PRUNE1: variants seen among roughly 807,000 people sequenced by gnomAD.
PRUNE1 encodes prune exopolyphosphatase 1.
PRUNE1 carries 25 observed loss-of-function variants against 42.5 expected under a neutral mutation model. That is an observed-to-expected ratio of 0.59 (90% CI 0.43 to 0.82). PRUNE1 has a LOEUF of 0.82. Among genes scored for constraint, PRUNE1 ranks in the 40% least tolerant of loss-of-function variants. The probability of loss-of-function intolerance (pLI) is 0.00; values close to 1 mark genes in which losing one functional copy is unlikely to be tolerated. For synonymous variants in PRUNE1, 203 were observed against 217.1 expected (o/e 0.93, Z 0.57); for missense variants, 443 against 539.3 (o/e 0.82, Z 1.77).
chr1:151,023,792 C>T (rs1674638659), intron 3 of PRUNE1, among the ~76,000 whole-genome samples: 1 of 151,354 alleles, frequency 6.6e-6, no homozygotes, highest in African/African-American at 2.4e-5. Flanking sequence ...GGAAAGGCAA[C>T]GCTAAAGGAC....
Position 151,024,676 on chromosome 1 carries a change from ACTGCCCTCC to A in PRUNE1, c.407_415del (p.Pro136_Cys138del). 1 of 1,613,970 alleles carries A rather than the reference ACTGCCCTCC, an allele frequency of 6.2e-7. No individual in the cohort carries two copies. Reference sequence around the variant, plus strand: ...GACCATCGACCCATCGAGCCGAAACACTGCCCTCCCTGCCATGTTTCAGTTGAGCTGGTG... The same window carrying A: ...GACCATCGACCCATCGAGCCGAAACACTGCCATGTTTCAGTTGAGCTGGTG... On this transcript the variant is annotated inframe_deletion, in exon 4 of 8. Coordinates refer to ENST00000271620, the MANE Select transcript of PRUNE1 (RefSeq NM_021222.3).
Position 151,024,745 on chromosome 1 carries a change from TG to T in PRUNE1, c.471del (p.Gln158ArgfsTer44). On this transcript the variant is annotated frameshift_variant, in exon 4 of 8. Transcript: ENST00000271620. LOFTEE classifies it high-confidence loss of function. ...GCTACCCTGGTGACCGAGAGAATCC[TG>T]CAGGGGGCACCAGAGATCTTGGACA... ...SCATLVTERILQGAPEILDRQ... is the reference protein window; with the variant it reads ...SCATLVTERIXQGAPEILDRQ... 1 of 1,614,128 alleles carries T rather than the reference TG, an allele frequency of 6.2e-7. No homozygotes were observed. Among genetic ancestry groups the T allele is most frequent in the South Asian group, 1.1e-5 (1 of 91,078 alleles).
At chr1:151,033,119 C>T (rs587668707) in intron 7 of PRUNE1, among the ~76,000 whole-genome samples, 63 of 130,886 alleles carry the variant, frequency 4.8e-4, no homozygotes, top group African/African-American at 1.8e-3. Flanking sequence ...GAGTTTCGCT[C>T]TTGTTGCCCA....
chr1:151,017,525 G>T (rs1230248014), intron 1 of PRUNE1, among the ~76,000 whole-genome samples: 1 of 152,030 alleles, frequency 6.6e-6, no homozygotes, highest in African/African-American at 2.4e-5. Context: ...CTCGAGCCCA[G>T]GAGTTTGAGA....
chr1:151,029,021 C>A, intron 7 of PRUNE1, 77 bp downstream of exon 7: 2 of 1,425,672 alleles, frequency 1.4e-6, no homozygotes, highest in African/African-American at 1.4e-5. Context: ...TACAGCTGTC[C>A]TATAAGGACC....
chr1:151,010,815 C>T (rs1016320077), intron 1 of PRUNE1, among the ~76,000 whole-genome samples: 3 of 152,020 alleles, frequency 2.0e-5, no homozygotes, highest in Non-Finnish European at 4.4e-5. Flanking sequence ...GCCACTATGC[C>T]TGGCTAAGTT....
chr1:151,028,703 G>A (rs1044037206), intron 6 of PRUNE1, 83 bp from the exon 7 acceptor site: 74 of 1,453,904 alleles, frequency 5.1e-5, no homozygotes, highest in Non-Finnish European at 6.0e-5. Flanking sequence ...GATTATAGGC[G>A]TAAGCGACCG....
At chr1:151,026,439 C>T (rs981799022) in intron 5 of PRUNE1, among the ~76,000 whole-genome samples, 2 of 151,536 alleles carry the variant, frequency 1.3e-5, no homozygotes, top group Non-Finnish European at 2.9e-5. Flanking sequence ...GCTTGGGCAA[C>T]GACAGCGAAA....
At chr1:151,033,485 G>A (rs1675371356) in intron 7 of PRUNE1, among the ~76,000 whole-genome samples, 1 of 150,640 alleles carries the variant, frequency 6.6e-6, no homozygotes, top group Non-Finnish European at 1.5e-5. Flanking sequence ...CCGCCTCCTG[G>A]GTTCACGCCA....
At chr1:151,014,987 T>C (rs1674009288) in intron 1 of PRUNE1, among the ~76,000 whole-genome samples, 1 of 150,876 alleles carries the variant, frequency 6.6e-6, no homozygotes, top group Non-Finnish European at 1.5e-5. Flanking sequence ...AGCCCAGGAG[T>C]TCGAGATCAG....
At chr1:151,027,416 C>T (rs1422519844) in intron 6 of PRUNE1, 89 bp downstream of exon 6, 8 of 887,378 alleles carry the variant, frequency 9.0e-6, no homozygotes, top group Non-Finnish European at 1.4e-5. Flanking sequence ...TCCTGGCTCA[C>T]CTCCAAAATG....
At chr1:151,030,440 A>G (rs1675172261) in intron 7 of PRUNE1, among the ~76,000 whole-genome samples, 1 of 151,850 alleles carries the variant, frequency 6.6e-6, no homozygotes, top group Non-Finnish European at 1.5e-5. Flanking sequence ...AGCAAATCTG[A>G]TTTCATTCAG....
At chr1:151,022,167 A>G (rs1314290994) in intron 3 of PRUNE1, among the ~76,000 whole-genome samples, 10 of 142,580 alleles carry the variant, frequency 7.0e-5, no homozygotes, top group South Asian at 2.2e-4. Context: ...CTGGAGTGCA[A>G]TGGCACCATC....
intron 3 of PRUNE1, among the ~76,000 whole-genome samples, chr1:151,024,356 A>G (rs1270743023): frequency 1.3e-5 from 2 of 151,592 alleles, no homozygotes; most frequent in Non-Finnish European, 2.9e-5. Flanking sequence ...TTAGCTGGGC[A>G]TGTTGGCAGG....
intron 7 of PRUNE1, among the ~76,000 whole-genome samples, chr1:151,029,950 T>C (rs1160474552): frequency 2.6e-5 from 4 of 151,978 alleles, no homozygotes; most frequent in Admixed American, 2.6e-4. Flanking sequence ...GGTTACTGAT[T>C]AGCCTAGGGA....
Position 151,025,532 on chromosome 1 carries a change from T to C in PRUNE1, c.538T>C (p.Cys180Arg). ...ALLHGTIILD[C>R]VNMDLKIGKA... ...CTCCACAGGAACCATCATCCTGGAC[T>C]GTGTCAACATGGACCTTAAAATTGG... Residue 180 changes from cysteine to arginine, a missense_variant, in exon 5 of 8, where the codon TGT (cysteine) becomes CGT (arginine). Physicochemically the swap from Cys to Arg is radical, Grantham distance 180. Transcript: ENST00000271620. The C allele has an allele frequency of 1.9e-6, 3 of 1,613,960 alleles. No individual in the cohort carries two copies. Among genetic ancestry groups the C allele is most frequent in the Non-Finnish European group, 2.5e-6 (3 of 1,179,948 alleles).
chr1:151,029,976 G>A (rs1221187005), intron 7 of PRUNE1, among the ~76,000 whole-genome samples: 1 of 151,838 alleles, frequency 6.6e-6, no homozygotes, highest in Non-Finnish European at 1.5e-5. Context: ...TTAAAAGTGG[G>A]CTTAAGGCTG....
chr1:151,026,415 G>A (rs966330058), intron 5 of PRUNE1, among the ~76,000 whole-genome samples: 25 of 151,720 alleles, frequency 1.6e-4, no homozygotes, highest in Admixed American at 5.3e-4. Flanking sequence ...CCGAGATTGC[G>A]CCATTGTACT....
At chr1:151,018,391 T>G in intron 2 of PRUNE1, 76 bp from the exon 3 acceptor site, 3 of 1,252,144 alleles carry the variant, frequency 2.4e-6, no homozygotes, top group Non-Finnish European at 3.5e-6. Context: ...TATGTCTCCT[T>G]TGGTCCCAGT....
Sources: gnomAD v4.1 joint callset for allele counts (sites outside exome capture counted in the v4.1 genomes callset) on GRCh38, gnomAD v4.1.1 for gene constraint, MANE v1.5 for transcripts, NCBI Gene and HGNC (gene_info 2026-07-23, HGNC 2026-07-21) for gene names.